Variants in PTPRG observed in about 807,000 individuals in gnomAD.
PTPRG encodes protein tyrosine phosphatase receptor type G.
Under a neutral mutation model 165.3 loss-of-function variants are expected in PTPRG, and 102 were observed. The ratio of observed to expected loss-of-function variants is 0.62; its 90% CI spans 0.53 to 0.73. The LOEUF is 0.73. PTPRG is among the 30% of genes least tolerant of loss of function. The pLI is 0.00. For synonymous variants in PTPRG, 675 were observed against 669.5 expected (o/e 1.01, Z -0.13); for missense variants, 1,866 against 1,861.4 (o/e 1.00, Z -0.05).
intron 1 of PTPRG, among the ~76,000 whole-genome samples, chr3:61,628,180 A>G (rs1178335418): frequency 6.6e-6 from 1 of 152,242 alleles, no homozygotes; most frequent in East Asian, 1.9e-4. Context: ...ACTGGGGAAT[A>G]AGACAAATAA....
chr3:61,920,478 C>G (rs931909170), intron 2 of PTPRG, among the ~76,000 whole-genome samples: 2 of 152,204 alleles, frequency 1.3e-5, no homozygotes, highest in Non-Finnish European at 2.9e-5. Flanking sequence ...TCACTGCAAA[C>G]TCCACCTCCC....
intron 2 of PTPRG, among the ~76,000 whole-genome samples, chr3:61,780,565 G>A (rs977486873): frequency 6.6e-6 from 1 of 152,122 alleles, no homozygotes; most frequent in African/African-American, 2.4e-5. Flanking sequence ...AAATCACAGT[G>A]CACACATTCT....
At chr3:61,682,256 T>G (rs1244830155) in intron 1 of PTPRG, among the ~76,000 whole-genome samples, 1 of 152,124 alleles carries the variant, frequency 6.6e-6, no homozygotes, top group Non-Finnish European at 1.5e-5. Flanking sequence ...CAATGTTAAA[T>G]TCTCTGAATT....
chr3:61,652,952 T>G (rs1036598361), intron 1 of PTPRG, among the ~76,000 whole-genome samples: 47 of 152,176 alleles, frequency 3.1e-4, no homozygotes, highest in Non-Finnish European at 5.1e-4. Context: ...TGTATCAAAA[T>G]GCTATGGAGT....
intron 1 of PTPRG, among the ~76,000 whole-genome samples, chr3:61,684,422 G>A (rs949864404): frequency 6.6e-6 from 1 of 152,168 alleles, no homozygotes; most frequent in African/African-American, 2.4e-5. Context: ...AACATTTACA[G>A]CCCTTTTTAA....
At chr3:61,874,338 C>T (rs2037665298) in intron 2 of PTPRG, among the ~76,000 whole-genome samples, 2 of 152,174 alleles carry the variant, frequency 1.3e-5, no homozygotes. Flanking sequence ...TATGTTTATC[C>T]TCACAATTTA....
At chr3:61,635,550 G>T (rs1358580365) in intron 1 of PTPRG, among the ~76,000 whole-genome samples, 1 of 151,800 alleles carries the variant, frequency 6.6e-6, no homozygotes, top group African/African-American at 2.4e-5. Context: ...TAGAGGTGGG[G>T]TTTCACCATG....
chr3:61,584,631 T>C (rs78661307), intron 1 of PTPRG, among the ~76,000 whole-genome samples: 4,235 of 152,052 alleles, frequency 0.028, 203 homozygotes, highest in African/African-American at 0.097. Context: ...AATTTTTCAT[T>C]GTACGAGTTT....
intron 2 of PTPRG, among the ~76,000 whole-genome samples, chr3:61,883,102 G>T (rs2037934855): frequency 8.3e-6 from 1 of 120,604 alleles, no homozygotes; most frequent in Admixed American, 7.6e-5. Flanking sequence ...CACAGGTGAG[G>T]TGTTCAAGCT....
chr3:61,872,382 A>G (rs926722806), intron 2 of PTPRG, among the ~76,000 whole-genome samples: 1 of 152,190 alleles, frequency 6.6e-6, no homozygotes, highest in African/African-American at 2.4e-5. Flanking sequence ...AAAAGGAGAA[A>G]GAACGTTGGT....
At chr3:61,951,814 C>G (rs1337510946) in intron 2 of PTPRG, among the ~76,000 whole-genome samples, 2 of 151,998 alleles carry the variant, frequency 1.3e-5, no homozygotes, top group African/African-American at 4.8e-5. Flanking sequence ...TAACGCAAAC[C>G]CAAATTTTAA....
chr3:62,281,814 TTGAG>T, intron 27 of PTPRG, 105 bp downstream of exon 27: 1 of 1,125,802 alleles, frequency 8.9e-7, no homozygotes, highest in East Asian at 2.8e-5. Context: ...GCTCAGGCAT[TTGAG>T]TAAGACTTAA....
In PTPRG at chr3:61,852,373, A is replaced by G. The variant is rs188479109; in HGVS notation, c.190+103391A>G. ...GACAATTATATTTCAAGCATGTTAT[A>G]CAGTGATTATAAGGTGGGTCCAGTA... On this transcript the variant is annotated intron_variant, in intron 2 of 29. Transcript: ENST00000474889. Among the ~76,000 whole-genome samples the G allele has an allele frequency of 3.3e-4, 50 of 152,334 alleles. 1 individual carries two copies. The highest frequency in any genetic ancestry group is 2.3e-3 in the Admixed American group (35 of 15,304).
At chr3:61,907,404 G>A (rs1022674093) in intron 2 of PTPRG, among the ~76,000 whole-genome samples, 1 of 152,136 alleles carries the variant, frequency 6.6e-6, no homozygotes, top group Non-Finnish European at 1.5e-5. Context: ...GCCCAGATGT[G>A]CCCTCCTGAT....
intron 4 of PTPRG, among the ~76,000 whole-genome samples, chr3:62,072,673 C>T (rs1701250598): frequency 6.6e-6 from 1 of 151,522 alleles, no homozygotes; most frequent in East Asian, 1.9e-4. Context: ...ATAGTATCTG[C>T]TATCTCATGG....
intron 4 of PTPRG, among the ~76,000 whole-genome samples, chr3:62,056,347 C>T (rs1160393311): frequency 2.6e-5 from 4 of 152,166 alleles, no homozygotes; most frequent in Non-Finnish European, 1.5e-5. Context: ...GACCCACGGA[C>T]CACATGTAGC....
intron 2 of PTPRG, among the ~76,000 whole-genome samples, chr3:61,884,890 C>G (rs1284972870): frequency 5.3e-5 from 8 of 152,096 alleles, no homozygotes; most frequent in African/African-American, 1.9e-4. Context: ...TAAAATTCCC[C>G]TAGCAAAAGA....
chr3:61,588,421 G>T (rs1700489037), intron 1 of PTPRG, among the ~76,000 whole-genome samples: 1 of 150,472 alleles, frequency 6.6e-6, no homozygotes, highest in African/African-American at 2.5e-5. Flanking sequence ...TTGCCCTGTT[G>T]CCCAGGCCGG....
chr3:61,693,328 C>T (rs1487028175), intron 1 of PTPRG, among the ~76,000 whole-genome samples: 1 of 152,208 alleles, frequency 6.6e-6, no homozygotes, highest in Non-Finnish European at 1.5e-5. Context: ...AATTCAGATG[C>T]TTCTACTTAT....
Sources: gnomAD v4.1 joint callset for allele counts (sites outside exome capture counted in the v4.1 genomes callset) on GRCh38, gnomAD v4.1.1 for gene constraint, MANE v1.5 for transcripts, NCBI Gene and HGNC (gene_info 2026-07-23, HGNC 2026-07-21) for gene names.